The following ZEB2 variants were observed in gnomAD, a reference collection of about 807,000 sequenced individuals.
ZEB2 encodes zinc finger E-box binding homeobox 2, also known as zinc finger E-box-binding homeobox 2.
In ZEB2, 6 loss-of-function variants were observed where a neutral mutation model predicts 99.9. The ratio of observed to expected loss-of-function variants is 0.06; its 90% CI spans 0.03 to 0.12. ZEB2 has a LOEUF of 0.12. Among genes scored for constraint, ZEB2 ranks in the 10% least tolerant of loss-of-function variants. The pLI, the probability that ZEB2 is intolerant of heterozygous loss-of-function variation, is 1.00. For missense variants in ZEB2, 969 were observed against 1,502.8 expected (o/e 0.64, Z 5.87); for synonymous variants, 517 against 542.5 (o/e 0.95, Z 0.65).
chr2:144,440,526 T>A (rs1325215766), intron 2 of ZEB2, among the ~76,000 whole-genome samples: 2,034 of 13,810 alleles, frequency 0.15, 30 homozygotes, highest in African/African-American at 0.17. Flanking sequence ...TTTTTTTTTT[T>A]TTTTTTTTTT....
chr2:144,459,317 A>T (rs1382181904), intron 2 of ZEB2, among the ~76,000 whole-genome samples: 1 of 152,188 alleles, frequency 6.6e-6, no homozygotes, highest in Non-Finnish European at 1.5e-5. Flanking sequence ...CTTCTGTAGG[A>T]CACGGGGCTG....
chr2:144,464,109 C>T (rs1704238219), intron 2 of ZEB2: 1 of 152,120 alleles, frequency 6.6e-6, no homozygotes. Context: ...TGGTGGAACA[C>T]ATTGTCCTTA....
At chr2:144,455,761 C>T (rs1704113742) in intron 2 of ZEB2, among the ~76,000 whole-genome samples, 1 of 152,076 alleles carries the variant, frequency 6.6e-6, no homozygotes, top group African/African-American at 2.4e-5. Flanking sequence ...CTCTCTTTCT[C>T]TTTCTCTCCC....
intron 4 of ZEB2, among the ~76,000 whole-genome samples, chr2:144,407,166 C>T (rs1231182800): frequency 6.6e-6 from 1 of 152,166 alleles, no homozygotes; most frequent in Non-Finnish European, 1.5e-5. Flanking sequence ...CTAAACTAAG[C>T]GCCAGTAATC....
chr2:144,466,891 G>A (rs143736416), intron 2 of ZEB2, among the ~76,000 whole-genome samples: 21 of 152,240 alleles, frequency 1.4e-4, no homozygotes, highest in African/African-American at 5.1e-4. Context: ...ACCTGGCACC[G>A]ACAGGCACTG....
chr2:144,516,644 C>T (rs1705150730), intron 2 of ZEB2: 1 of 151,672 alleles, frequency 6.6e-6, no homozygotes, highest in Admixed American at 6.6e-5. Flanking sequence ...CGTCCCCGAG[C>T]CATCATCGAC....
At chr2:144,432,119 AAG>A (rs899896581) in intron 2 of ZEB2, among the ~76,000 whole-genome samples, 13 of 152,274 alleles carry the variant, frequency 8.5e-5, no homozygotes, top group African/African-American at 3.1e-4. Context: ...GTGGAAAAAA[AAG>A]AGAGATAAAT....
intron 6 of ZEB2, among the ~76,000 whole-genome samples, chr2:144,401,728 AC>A (rs561947037): frequency 5.8e-4 from 88 of 152,264 alleles, no homozygotes; most frequent in Non-Finnish European, 1.0e-3. Flanking sequence ...AAGAAAAACC[AC>A]CCCCACACAA....
intron 2 of ZEB2, among the ~76,000 whole-genome samples, chr2:144,494,044 C>T (rs1045771531): frequency 6.8e-6 from 1 of 146,228 alleles, no homozygotes; most frequent in Non-Finnish European, 1.5e-5. Context: ...CCCAGCTACT[C>T]GGGAGGCTGA....
At chr2:144,424,731 C>T (rs1703667798) in intron 4 of ZEB2, 65 bp downstream of exon 4, 2 of 1,576,316 alleles carry the variant, frequency 1.3e-6, no homozygotes, top group Non-Finnish European at 1.7e-6. Context: ...CTGTTTCCTT[C>T]CCTGCCTCAC....
In ZEB2 at chr2:144,398,956, A is replaced by G. The variant is rs1176753378; in HGVS notation, c.2231T>C (p.Ile744Thr). 2 of 1,614,184 alleles carry G rather than the reference A, an allele frequency of 1.2e-6. No homozygotes were observed. Among genetic ancestry groups the G allele is most frequent in the Non-Finnish European group, 1.7e-6 (2 of 1,180,026 alleles). ...CGTAACACTGTTGTGGAGTTCTGCT[A>G]TAGATGGTGATGTTATGGAGTCCAT... ...KPMDSITSPS[I>T]AELHNSVTNC... The change falls in exon 8 of 10, where the codon ATA (isoleucine) becomes ACA (threonine). Residue 744 changes from isoleucine (I) to threonine (T), a missense_variant. Physicochemically the swap from Ile to Thr is moderately conservative, Grantham distance 89 (BLOSUM62 -1). Around this residue, in one of 8 missense-constraint regions of ZEB2, gnomAD observed 346 missense variants for 460.0 expected, o/e 0.75. Coordinates refer to ENST00000627532, the MANE Select transcript of ZEB2 (RefSeq NM_014795.4).
At chr2:144,401,165 T>C in intron 7 of ZEB2, 34 bp downstream of exon 7, 1 of 1,588,128 alleles carries the variant, frequency 6.3e-7, no homozygotes, top group Non-Finnish European at 8.6e-7. Flanking sequence ...TTAAGTAAAA[T>C]GCAAATGCGA....
chr2:144,496,642 G>T (rs1192226664), intron 2 of ZEB2: 1 of 152,036 alleles, frequency 6.6e-6, no homozygotes, highest in African/African-American at 2.4e-5. Flanking sequence ...ACATGTAACC[G>T]TAGACTTTCT....
At chr2:144,418,463 G>A (rs1703573003) in intron 4 of ZEB2, among the ~76,000 whole-genome samples, 1 of 151,922 alleles carries the variant, frequency 6.6e-6, no homozygotes, top group Admixed American at 6.6e-5. Context: ...CTGAGGCGGG[G>A]GGACACCTGA....
intron 2 of ZEB2, among the ~76,000 whole-genome samples, chr2:144,456,442 A>C (rs1288957576): frequency 9.9e-5 from 15 of 151,936 alleles, no homozygotes; most frequent in Admixed American, 9.8e-4. Context: ...CTTTCATTTC[A>C]ATTTTCTTCA....
rs1389263951 is a variant in ZEB2, at chr2:144,398,699, T to C, written c.2488A>G (p.Ile830Val). 1 of 1,614,170 alleles carries C rather than the reference T, an allele frequency of 6.2e-7. No individual in the cohort carries two copies. The highest frequency in any genetic ancestry group is 1.1e-5 in the South Asian group (1 of 91,088). Residue 830 changes from isoleucine to valine, a missense_variant, in exon 8 of 10, where the codon ATT becomes GTT. Around this residue, in one of 8 missense-constraint regions of ZEB2, gnomAD observed 346 missense variants for 460.0 expected, o/e 0.75. Transcript: ENST00000627532. ...TTTGTTTTGTTCTTTGTGGCTATAA[T>C]ACTTTTGGGTTCTTTCATTTGTTTT... is the stretch of plus-strand genomic sequence containing the variant. ...LPKQMKEPKS[I>V]IATKNKTKAS...
intron 2 of ZEB2, among the ~76,000 whole-genome samples, chr2:144,493,976 C>A (rs987171517): frequency 6.6e-6 from 1 of 151,782 alleles, no homozygotes; most frequent in Non-Finnish European, 1.5e-5. Context: ...CACAGTGAAA[C>A]CCTGTCTCTA....
At chr2:144,491,217 C>T (rs1704675047) in intron 2 of ZEB2, among the ~76,000 whole-genome samples, 1 of 152,240 alleles carries the variant, frequency 6.6e-6, no homozygotes, top group Non-Finnish European at 1.5e-5. Context: ...GCTCCATTTT[C>T]CCTTTGCCTT....
intron 2 of ZEB2, chr2:144,495,637 ACT>A (rs1444419012): frequency 6.6e-6 from 1 of 152,206 alleles, no homozygotes; most frequent in African/African-American, 2.4e-5. Flanking sequence ...CTATGTGTGA[ACT>A]CTCTGTGTGA....
Sources: allele counts gnomAD v4.1 joint callset (sites outside exome capture counted in the v4.1 genomes callset), GRCh38; gene constraint gnomAD v4.1.1; regional missense constraint gnomAD v4.1.1; transcripts MANE v1.5; gene names NCBI Gene and HGNC (gene_info 2026-07-23, HGNC 2026-07-21).